The following MC2R variants were observed in gnomAD, a reference collection of about 807,000 sequenced individuals.
MC2R encodes the protein adrenocorticotropic hormone receptor.
MC2R carries 9 observed loss-of-function variants against 9.8 expected under a neutral mutation model. The observed-to-expected ratio is 0.92, with a 90% CI of 0.55 to 1.60. The LOEUF (loss-of-function observed/expected upper bound fraction) is 1.60. MC2R is among the 40% of genes most tolerant of loss of function. The probability of loss-of-function intolerance (pLI) is 0.00; values close to 1 mark genes in which losing one functional copy is unlikely to be tolerated. For missense variants in MC2R, 370 were observed against 389.0 expected, an observed-to-expected ratio of 0.95 and a Z score of 0.41; for synonymous variants, 185 against 154.7, an observed-to-expected ratio of 1.20 and a Z score of -1.45.
chr18:13,912,413 G>A (rs1368130858), intron 1 of MC2R, among the ~76,000 whole-genome samples: 3 of 152,092 alleles, frequency 2.0e-5, no homozygotes, highest in Admixed American at 1.3e-4. Flanking sequence ...CAAAGAGCCT[G>A]AGAGGCTGAG....
rs1208417750 is a variant in MC2R at position 13,885,109 on chromosome 18, C to T, written c.410G>A (p.Arg137Gln). 1.3e-5 allele frequency: 21 copies of T among 1,613,980 alleles called. No individual in the cohort carries two copies. The Middle Eastern group carries it at 4.9e-4, about 38-fold the overall frequency. The part of the protein sequence containing the change: ...DRYITIFHAL[R>Q]YHSIVTMRRT... ...GCGCATGGTCACGATGCTGTGGTAC[C>T]GCAGTGCGTGGAAGATGGTGATGTA... The change falls in exon 2 of 2, where the codon CGG becomes CAG. Residue 137 changes from arginine (R) to glutamine (Q), a missense_variant. Physicochemically the swap from Arg to Gln is conservative, Grantham distance 43. Transcript: ENST00000327606.
At chr18:13,886,744 AC>A (rs1244209816) in intron 1 of MC2R, among the ~76,000 whole-genome samples, 1 of 152,192 alleles carries the variant, frequency 6.6e-6, no homozygotes, top group Non-Finnish European at 1.5e-5. Context: ...GCGGCAGTGC[AC>A]CAGTGGGGAA....
At chr18:13,889,323 G>T (rs1323977591) in intron 1 of MC2R, among the ~76,000 whole-genome samples, 1 of 152,232 alleles carries the variant, frequency 6.6e-6, no homozygotes. Flanking sequence ...CTCCCCAGGA[G>T]GCAGAGATGG....
intron 1 of MC2R, among the ~76,000 whole-genome samples, chr18:13,903,265 A>G (rs1249040731): frequency 6.6e-6 from 1 of 152,260 alleles, no homozygotes; most frequent in Non-Finnish European, 1.5e-5. Context: ...CAGTATGACC[A>G]TTATGGAGAA....
At chr18:13,914,386 T>G (rs2045464325) in intron 1 of MC2R, among the ~76,000 whole-genome samples, 2 of 152,282 alleles carry the variant, frequency 1.3e-5, no homozygotes, top group Admixed American at 6.5e-5. Context: ...CCACTCTGAC[T>G]TAGGCTTGCA....
chr18:13,914,411 A>C (rs1404436704), intron 1 of MC2R, among the ~76,000 whole-genome samples: 1 of 152,202 alleles, frequency 6.6e-6, no homozygotes, highest in Non-Finnish European at 1.5e-5. Flanking sequence ...GGCCCAGCAC[A>C]TAAGGGTTCG....
intron 1 of MC2R, among the ~76,000 whole-genome samples, chr18:13,895,639 T>C (rs963451860): frequency 6.6e-6 from 1 of 152,176 alleles, no homozygotes; most frequent in African/African-American, 2.4e-5. Context: ...CTTTTGAGAA[T>C]ATTTACTCTC....
In MC2R at chr18:13,895,628, A is replaced by G. The variant is rs561477424; in HGVS notation, c.-128-9982T>C. On this transcript the variant is annotated intron_variant, in intron 1 of 1. Transcript: ENST00000327606. ...ATGTCGAAAAAGAAAAAAAAGCTCAACTTTTGAGAATATTTACTCTCAGGA... is the reference window on the plus strand; with the variant it reads ...ATGTCGAAAAAGAAAAAAAAGCTCAGCTTTTGAGAATATTTACTCTCAGGA... 5.3e-5 allele frequency among the ~76,000 whole-genome samples: 8 copies of G among 152,278 alleles called. No individual in the cohort carries two copies. In the East Asian group the frequency reaches 1.5e-3, roughly 29 times the overall value.
intron 1 of MC2R, among the ~76,000 whole-genome samples, chr18:13,887,692 C>T (rs987293759): frequency 6.6e-6 from 1 of 152,176 alleles, no homozygotes; most frequent in Non-Finnish European, 1.5e-5. Flanking sequence ...AGACCAGCTC[C>T]TCGACGACCT....
chr18:13,889,270 G>A (rs1333860337), intron 1 of MC2R, among the ~76,000 whole-genome samples: 1 of 152,210 alleles, frequency 6.6e-6, no homozygotes, highest in Non-Finnish European at 1.5e-5. Flanking sequence ...ATCACCTTGA[G>A]CTTGCAGTAA....
At chr18:13,899,816 A>G (rs2045368120) in intron 1 of MC2R, among the ~76,000 whole-genome samples, 1 of 152,176 alleles carries the variant, frequency 6.6e-6, no homozygotes. Context: ...AAAAGCTAAG[A>G]GAGTTCATCA....
intron 1 of MC2R, among the ~76,000 whole-genome samples, chr18:13,903,910 G>T (rs2045395530): frequency 1.3e-5 from 2 of 151,998 alleles, no homozygotes; most frequent in African/African-American, 4.8e-5. Flanking sequence ...TCTATTAGAG[G>T]TATGTTTAAA....
intron 1 of MC2R, among the ~76,000 whole-genome samples, chr18:13,905,988 G>T (rs2045411982): frequency 6.6e-6 from 1 of 152,136 alleles, no homozygotes; most frequent in African/African-American, 2.4e-5. Flanking sequence ...TCCTTGTCTT[G>T]TTCCAGATCT....
intron 1 of MC2R, among the ~76,000 whole-genome samples, chr18:13,911,735 A>G (rs371949884): frequency 1.3e-5 from 2 of 152,110 alleles, no homozygotes; most frequent in East Asian, 3.8e-4. Context: ...GAAAAAGGAG[A>G]TTGGGGCATA....
chr18:13,897,273 C>T (rs770210488), intron 1 of MC2R, among the ~76,000 whole-genome samples: 6 of 152,134 alleles, frequency 3.9e-5, no homozygotes, highest in Non-Finnish European at 7.3e-5. Flanking sequence ...GAAAAGATAA[C>T]CAGACTACAC....
At chr18:13,896,787 T>C (rs1304840286) in intron 1 of MC2R, among the ~76,000 whole-genome samples, 1 of 152,164 alleles carries the variant, frequency 6.6e-6, no homozygotes, top group Admixed American at 6.5e-5. Flanking sequence ...AAGATGCATA[T>C]ACAATGATAT....
rs2045314501 is a variant in MC2R, at chr18:13,891,319, T to C, written c.-128-5673A>G. Among the ~76,000 whole-genome samples the C allele has an allele frequency of 1.3e-5, 2 of 152,258 alleles. 1 individual carries two copies. The highest frequency in any genetic ancestry group is 4.1e-4 in the South Asian group (2 of 4,836). On this transcript the variant is annotated intron_variant, in intron 1 of 1. Coordinates refer to ENST00000327606, the MANE Select transcript of MC2R (RefSeq NM_000529.2). ...TTGTATGGATGTATCCCAAGTTATT[T>C]AATCTATTCTGTATTGATAGTTATT...
chr18:13,886,750 G>A (rs959672983), intron 1 of MC2R, among the ~76,000 whole-genome samples: 1 of 152,152 alleles, frequency 6.6e-6, no homozygotes, highest in Non-Finnish European at 1.5e-5. Flanking sequence ...GTGCACCAGT[G>A]GGGAAAGCCA....
intron 1 of MC2R, among the ~76,000 whole-genome samples, chr18:13,909,870 G>A (rs1023387646): frequency 2.0e-5 from 3 of 152,186 alleles, no homozygotes; most frequent in Non-Finnish European, 4.4e-5. Context: ...AATGGTATTA[G>A]AAACCAAGAT....
Sources: allele counts gnomAD v4.1 joint callset (sites outside exome capture counted in the v4.1 genomes callset), GRCh38; gene constraint gnomAD v4.1.1; transcripts MANE v1.5; gene names NCBI Gene and HGNC (gene_info 2026-07-23, HGNC 2026-07-21).